The following HEATR4 variants were observed in gnomAD, a reference collection of about 807,000 sequenced individuals.
The protein encoded by HEATR4 is HEAT repeat containing 4, also known as HEAT repeat-containing protein 4.
In HEATR4, 95 loss-of-function variants were observed where a neutral mutation model predicts 108.8. That is an observed-to-expected ratio of 0.87 (90% CI 0.74 to 1.04). HEATR4 has a LOEUF of 1.04. Ranked by LOEUF, HEATR4 falls within the 50% of genes least tolerant of loss-of-function variation. The pLI, the probability that HEATR4 is intolerant of heterozygous loss-of-function variation, is 0.00. For synonymous variants in HEATR4, 443 were observed against 459.4 expected (o/e 0.96, Z 0.46); for missense variants, 1,152 against 1,253.8 (o/e 0.92, Z 1.23).
intron 10 of HEATR4, among the ~76,000 whole-genome samples, chr14:73,503,401 T>G (rs985691879): frequency 6.6e-6 from 1 of 152,210 alleles, no homozygotes; most frequent in Admixed American, 6.5e-5. Flanking sequence ...ACTCTCCTGG[T>G]TTTGGTCCTG....
intron 7 of HEATR4, among the ~76,000 whole-genome samples, chr14:73,511,377 T>C (rs1300886643): frequency 6.6e-6 from 1 of 151,732 alleles, no homozygotes; most frequent in South Asian, 2.1e-4. Context: ...GAGCTGGGCA[T>C]GGTGGCACAC....
chr14:73,511,844 C>T (rs150896259), intron 7 of HEATR4, among the ~76,000 whole-genome samples, 162 bp downstream of exon 7: 2 of 152,322 alleles, frequency 1.3e-5, no homozygotes, highest in African/African-American at 4.8e-5. Context: ...ATTTTAATCT[C>T]GTCTCTATTG....
the HEATR4 span, chr14:73,569,870 C>T: frequency 3.7e-6 from 6 of 1,604,590 alleles, 1 homozygote; most frequent in African/African-American, 1.3e-5. Flanking sequence ...GAGGCACGCT[C>T]TTCCTGCCGC....
At chr14:73,529,819 TA>T (rs1289527264) in intron 2 of HEATR4, among the ~76,000 whole-genome samples, 2 of 151,320 alleles carry the variant, frequency 1.3e-5, no homozygotes, top group African/African-American at 4.8e-5. Flanking sequence ...TAAAAAGCAA[TA>T]AGCCTTAGTA....
chr14:73,579,637 A>C, the HEATR4 span, among the ~76,000 whole-genome samples: 3 of 151,482 alleles, frequency 2.0e-5, no homozygotes, highest in African/African-American at 7.3e-5. Flanking sequence ...TGCTGGTCTT[A>C]AACACCTGGG....
chr14:73,569,237 G>A, the HEATR4 span: 1 of 1,612,944 alleles, frequency 6.2e-7, no homozygotes, highest in African/African-American at 1.3e-5. Flanking sequence ...GGCAGCCCGA[G>A]AGGATGTCTA....
chr14:73,479,185 G>T (rs983651614), intron 17 of HEATR4, among the ~76,000 whole-genome samples: 7 of 151,718 alleles, frequency 4.6e-5, no homozygotes, highest in African/African-American at 7.3e-5. Context: ...GCGCCATCTC[G>T]GCTCACTGCC....
chr14:73,542,920 T>C lies in HEATR4; in HGVS notation c.-151-12676A>G, dbSNP rs1213153432. 61 of 998,294 alleles carry C rather than the reference T, an allele frequency of 6.1e-5. 18 individuals carry two copies. The Middle Eastern group carries it at 1.1e-3, about 17-fold the overall frequency. 61.8% of individuals were successfully genotyped at this position (998,294 alleles called of 1,614,324 possible). ...TAGAGGGGAGGTAAATTCCCAAAGC[T>C]GCAAATCTGGGTAAATGGTAGAACC... On this transcript the variant is annotated intron_variant, in intron 1 of 17. Coordinates refer to ENST00000553558, the MANE Select transcript of HEATR4 (RefSeq NM_001220484.1).
In HEATR4 at chr14:73,509,548, A is replaced by G. The variant is rs564418052; in HGVS notation, c.1559-75T>C. The G allele has an allele frequency of 1.0e-5, 15 of 1,497,974 alleles. No individual in the cohort carries two copies. In the South Asian group the frequency reaches 1.5e-4, roughly 15 times the overall value. 92.8% of individuals were successfully genotyped at this position (1,497,974 alleles called of 1,614,324 possible). A position where few individuals can be genotyped will look rare whatever the true frequency, so the allele number is the denominator to read the frequency against. ...CACACACAGCTTCCTTCCTACAGCC[A>G]TGTGGTGGCCAACCTCAGTCCCAGC... On this transcript the variant is annotated intron_variant, in intron 7 of 17. Coordinates refer to ENST00000553558, the MANE Select transcript of HEATR4 (RefSeq NM_001220484.1).
the HEATR4 span, among the ~76,000 whole-genome samples, chr14:73,614,026 CAA>C: frequency 3.2e-5 from 3 of 92,994 alleles, no homozygotes; most frequent in Non-Finnish European, 4.3e-5. Context: ...TCTGTCTCTA[CAA>C]AAAAAAAAAA....
At chr14:73,536,412 G>A (rs1180749304) in intron 1 of HEATR4, among the ~76,000 whole-genome samples, 1 of 108,870 alleles carries the variant, frequency 9.2e-6, no homozygotes. Context: ...AGAGGCTGAG[G>A]CAGGAAGATG....
Position 73,553,797 on chromosome 14 carries a change from G to A in HEATR4, c.-152+4954C>T, listed in dbSNP as rs747059915. On this transcript the variant is annotated intron_variant, in intron 1 of 17. Transcript: ENST00000553558. ...TTACAGGCATGCACTAGCATGCCCC[G>A]CTAAGGCCATTGTTTTGGACTAGGC... Among the ~76,000 whole-genome samples, 2 of 112,990 alleles carry A rather than the reference G, an allele frequency of 1.8e-5. 1 individual carries two copies. The highest frequency in any genetic ancestry group is 5.7e-5 in the African/African-American group (2 of 35,016). The allele number at this position is 112,990 out of a possible 152,430, so 74.1% of individuals were successfully genotyped here.
chr14:73,592,074 C>A, the HEATR4 span: 1 of 1,484,328 alleles, frequency 6.7e-7, no homozygotes, highest in Middle Eastern at 2.0e-4. Context: ...CGCGTCCCTG[C>A]GCGACGAGAA....
the HEATR4 span, among the ~76,000 whole-genome samples, chr14:73,579,729 A>G: frequency 1.3e-5 from 2 of 151,828 alleles, no homozygotes; most frequent in Admixed American, 6.6e-5. Flanking sequence ...ATCATGAATA[A>G]TTTTAAAGGG....
At position 73,534,070 on chromosome 14, in the gene HEATR4, AG is replaced by A. The variant is rs1170107695; in HGVS notation, c.-151-3827del. On this transcript the variant is annotated intron_variant, in intron 1 of 17. Transcript: ENST00000553558. ...GCACTCCAGCCTGGGTGACAGAGCA[AG>A]ACCTAGTCTCTAAAAAATAAGAGTT... Among the ~76,000 whole-genome samples the A allele has an allele frequency of 2.7e-5, 3 of 111,332 alleles. 1 individual carries two copies. The highest frequency in any genetic ancestry group is 5.8e-5 in the Non-Finnish European group (3 of 51,472). 73.0% of individuals were successfully genotyped at this position (111,332 alleles called of 152,430 possible). A position where few individuals can be genotyped will look rare whatever the true frequency, so the allele number is the denominator to read the frequency against.
rs1464919590 is a variant in HEATR4, at chr14:73,530,490, C to G, written c.-151-246G>C. The G allele has an allele frequency of 4.7e-5, 6 of 128,250 alleles. 1 individual carries two copies. Among genetic ancestry groups the G allele is most frequent in the African/African-American group, 1.6e-4 (6 of 37,868 alleles). 7.9% of individuals were successfully genotyped at this position (128,250 alleles called of 1,614,324 possible). On this transcript the variant is annotated intron_variant, in intron 1 of 17. Coordinates refer to ENST00000553558, the MANE Select transcript of HEATR4 (RefSeq NM_001220484.1). Reference sequence around the variant, plus strand: ...CTTAACCTGGCTTGTTTCAAGTCCCCCTTTCTCCCTTTTTGCCCTCAAAAA... The same window carrying G: ...CTTAACCTGGCTTGTTTCAAGTCCCGCTTTCTCCCTTTTTGCCCTCAAAAA...
chr14:73,627,729 A>G, the HEATR4 span, among the ~76,000 whole-genome samples: 1 of 152,112 alleles, frequency 6.6e-6, no homozygotes, highest in Admixed American at 6.6e-5. Context: ...CGATTGATTA[A>G]ATCATTGCCC....
chr14:73,530,351 C>A (rs1318680358), intron 1 of HEATR4, 107 bp from the exon 2 acceptor site: 3 of 137,782 alleles, frequency 2.2e-5, no homozygotes, highest in African/African-American at 5.1e-5. Context: ...TGCATTTTCA[C>A]AAGCTCTCAG....
chr14:73,486,103 A>G (rs1255264155), intron 17 of HEATR4, among the ~76,000 whole-genome samples: 1 of 152,198 alleles, frequency 6.6e-6, no homozygotes, highest in Non-Finnish European at 1.5e-5. Flanking sequence ...TTGTCATCTA[A>G]AAGTTTTTAC....
Sources: gnomAD v4.1 joint callset for allele counts (sites outside exome capture counted in the v4.1 genomes callset) on GRCh38, gnomAD v4.1.1 for gene constraint, MANE v1.5 for transcripts, NCBI Gene and HGNC (gene_info 2026-07-23, HGNC 2026-07-21) for gene names.